GPR161: variants seen among roughly 807,000 people sequenced by gnomAD.
The protein encoded by GPR161 is G-protein coupled receptor RE2.
A neutral mutation model predicts 39.2 loss-of-function variants in GPR161; 25 were observed. The observed-to-expected ratio is 0.64, with a 90% CI of 0.47 to 0.89. The LOEUF (loss-of-function observed/expected upper bound fraction) is 0.89, where lower values mean the gene tolerates loss of function less well. Among genes scored for constraint, GPR161 ranks in the 40% least tolerant of loss-of-function variants. The pLI is 0.00. For synonymous variants in GPR161, 286 were observed against 276.6 expected, an observed-to-expected ratio of 1.03 and a Z score of -0.34; for missense variants, 547 against 677.8, an observed-to-expected ratio of 0.81 and a Z score of 2.14.
At chr1:168,117,033 G>A (rs2102217666) in intron 1 of GPR161, among the ~76,000 whole-genome samples, 1 of 152,246 alleles carries the variant, frequency 6.6e-6, no homozygotes, top group African/African-American at 2.4e-5. Context: ...GCACCTCATT[G>A]CCCTTCACAA....
In GPR161 at chr1:168,087,705, C is replaced by T. The variant is rs1331974654; in HGVS notation, c.1205-1G>A. On this transcript the variant is annotated splice_acceptor_variant, in intron 4 of 5. Transcript: ENST00000682931. LOFTEE classifies it high-confidence loss of function. ...TCCTCAAGCAGCATCATATCTGTCC[C>T]TAAAACAACGGGCAGATTGTGCATA... 1.2e-6 allele frequency: 2 copies of T among 1,608,768 alleles called. No homozygotes were observed. The highest frequency in any genetic ancestry group is 1.7e-6 in the Non-Finnish European group (2 of 1,176,788).
At position 168,087,334 on chromosome 1, in the gene GPR161, GGTGT is replaced by G. The variant is rs142900649; in HGVS notation, c.1324+247_1324+250del. Reference sequence around the variant, plus strand: ...TGGGCTGTGTGTGTAAACACGTGTGGGTGTGTGTGTGTGTGTGTGTGTGTGGAGT... The same window carrying G: ...TGGGCTGTGTGTGTAAACACGTGTGGGTGTGTGTGTGTGTGTGTGTGGAGT... On this transcript the variant is annotated intron_variant, in intron 5 of 5. Transcript: ENST00000682931. Among the ~76,000 whole-genome samples, 156 of 148,764 alleles carry G rather than the reference GGTGT, an allele frequency of 1.0e-3. 1 individual carries two copies. The highest frequency in any genetic ancestry group is 1.4e-3 in the Non-Finnish European group (91 of 66,656).
rs546068660 is a variant in GPR161 at position 168,122,546 on chromosome 1, T to G, written c.-45+14193A>C. 3.3e-5 allele frequency among the ~76,000 whole-genome samples: 5 copies of G among 152,276 alleles called. No homozygotes were observed. In the East Asian group the frequency reaches 7.7e-4, roughly 24 times the overall value. The stretch of plus-strand genomic sequence containing the variant: ...ACAGAGCAAGCCCAAAGTTGTTACC[T>G]CGACCTGCAGCTCCCTCCAGGGCCT... On this transcript the variant is annotated intron_variant, in intron 1 of 5. Transcript: ENST00000682931.
At chr1:168,091,217 G>A (rs564752096) in intron 3 of GPR161, among the ~76,000 whole-genome samples, 1 of 152,274 alleles carries the variant, frequency 6.6e-6, no homozygotes, top group East Asian at 1.9e-4. Context: ...CTCAGGAACG[G>A]GGTTGGGGGG....
chr1:168,106,446 C>A (rs888553270), intron 1 of GPR161, among the ~76,000 whole-genome samples: 6 of 152,136 alleles, frequency 3.9e-5, no homozygotes, highest in Non-Finnish European at 8.8e-5. Context: ...GAAAATTATC[C>A]GGGAATGGTC....
intron 1 of GPR161, among the ~76,000 whole-genome samples, chr1:168,119,275 T>TATATATATGTACAC (rs1697958845): frequency 9.9e-6 from 1 of 101,426 alleles, no homozygotes; most frequent in African/African-American, 4.8e-5. Context: ...TATGTGTATA[T>TATATATATGTACAC]ATATATATAT....
chr1:168,085,580 T>C lies in GPR161; in HGVS notation c.1541A>G (p.Gln514Arg), dbSNP rs1694398949. ...GSRTLVSQRL[Q>R]LQSIEEGDVL... ...ATCTCCTTCTTCGATGCTCTGCAACTGCAGCCTCTGGCTCACAAGAGTTCT... is the reference window on the plus strand; with the variant it reads ...ATCTCCTTCTTCGATGCTCTGCAACCGCAGCCTCTGGCTCACAAGAGTTCT... Residue 514 changes from glutamine (Q) to arginine (R), a missense_variant, in exon 6 of 6, where the codon CAG becomes CGG. Transcript: ENST00000682931. The C allele has an allele frequency of 6.2e-7, 1 of 1,613,990 alleles. No homozygotes were observed. Among genetic ancestry groups the C allele is most frequent in the Non-Finnish European group, 8.5e-7 (1 of 1,180,036 alleles).
At chr1:168,122,323 G>A (rs1306255205) in intron 1 of GPR161, among the ~76,000 whole-genome samples, 1 of 152,114 alleles carries the variant, frequency 6.6e-6, no homozygotes, top group Non-Finnish European at 1.5e-5. Flanking sequence ...ATTCACCTAT[G>A]TCTTACTATT....
intron 3 of GPR161, among the ~76,000 whole-genome samples, chr1:168,096,206 G>A (rs559165405): frequency 3.2e-4 from 49 of 151,702 alleles, no homozygotes; most frequent in African/African-American, 1.1e-3. Flanking sequence ...GAGGGCCAGG[G>A]CTGGGGTTTC....
chr1:168,127,384 C>G (rs1241389401), intron 1 of GPR161, among the ~76,000 whole-genome samples: 7 of 151,888 alleles, frequency 4.6e-5, no homozygotes, highest in African/African-American at 1.7e-4. Context: ...ACTCTGGAGG[C>G]TGAGGCAGGA....
chr1:168,097,554 C>A (rs1160759804), intron 2 of GPR161, among the ~76,000 whole-genome samples: 1 of 152,138 alleles, frequency 6.6e-6, no homozygotes, highest in Non-Finnish European at 1.5e-5. Context: ...TGCATTGGGC[C>A]AGATCAATTC....
chr1:168,130,501 C>T (rs1296310566), intron 1 of GPR161, among the ~76,000 whole-genome samples: 1 of 152,166 alleles, frequency 6.6e-6, no homozygotes, highest in Non-Finnish European at 1.5e-5. Flanking sequence ...CCACTTGAAC[C>T]CTGAACCCAC....
intron 1 of GPR161, among the ~76,000 whole-genome samples, chr1:168,110,537 G>GAAAA (rs1697042763): frequency 2.1e-4 from 11 of 53,420 alleles, no homozygotes; most frequent in African/African-American, 1.3e-3. Context: ...AGAAAGGAAA[G>GAAAA]GAAAGAAAAG....
intron 5 of GPR161, among the ~76,000 whole-genome samples, chr1:168,086,899 T>C (rs1694560245): frequency 6.6e-6 from 1 of 152,144 alleles, no homozygotes; most frequent in South Asian, 2.1e-4. Context: ...ACAGAGGCCA[T>C]ATTTATTTCC....
chr1:168,095,566 G>C (rs1040216606), intron 3 of GPR161, among the ~76,000 whole-genome samples: 1 of 152,198 alleles, frequency 6.6e-6, no homozygotes, highest in South Asian at 2.1e-4. Flanking sequence ...GTGCACACCG[G>C]ATCAGTCATC....
chr1:168,084,897 A>G lies in GPR161; in HGVS notation c.*634T>C, dbSNP rs1390271467. The G allele has an allele frequency of 2.2e-6, 1 of 456,134 alleles. No homozygotes were observed. The highest frequency in any genetic ancestry group is 2.0e-5 in the African/African-American group (1 of 50,070). 28.3% of individuals were successfully genotyped at this position (456,134 alleles called of 1,614,324 possible). A position where few individuals can be genotyped will look rare whatever the true frequency, so the allele number is the denominator to read the frequency against. On this transcript the variant is annotated 3_prime_UTR_variant, in exon 6 of 6. Transcript: ENST00000682931. ...AGTAGGCAGGGTGGGCCAGTCTGCA[A>G]GAGGCCTGTGGCTGTCCCTATTAGC... is the stretch of plus-strand genomic sequence containing the variant.
At position 168,090,591 on chromosome 1, in the gene GPR161, T is replaced by C; in HGVS notation, c.1177A>G (p.Thr393Ala). 1 of 1,608,948 alleles carries C rather than the reference T, an allele frequency of 6.2e-7. No individual in the cohort carries two copies. Among genetic ancestry groups the C allele is most frequent in the Non-Finnish European group, 8.5e-7 (1 of 1,175,436 alleles). Reference protein sequence around the residue: ...PLGHSSSTGDTGFSCSQDSGT... With the variant: ...PLGHSSSTGDAGFSCSQDSGT... ...GAGTCCTGGGAGCAGCTGAAGCCAG[T>C]GTCCCCCGTGCTGCTGCTGTGCCCC... is the stretch of plus-strand genomic sequence containing the variant. The change falls in exon 4 of 6, where the codon ACT becomes GCT. Residue 393 changes from threonine to alanine, a missense_variant. Transcript: ENST00000682931.
In GPR161 at chr1:168,097,213, G is replaced by C. The variant is rs751390072; in HGVS notation, c.394C>G (p.Pro132Ala). The change falls in exon 3 of 6, where the codon CCC becomes GCC. Residue 132 changes from proline to alanine, a missense_variant. By Grantham distance (27) the Pro-to-Ala change is conservative. Coordinates refer to ENST00000682931, the MANE Select transcript of GPR161 (RefSeq NM_001375883.1). Reference sequence around the variant, plus strand: ...GTGATCTTCATGGGGTACACCATGGGGTACAGGACAGCATAGTAGCTAGAA... The same window carrying C: ...GTGATCTTCATGGGGTACACCATGGCGTACAGGACAGCATAGTAGCTAGAA... ...AIDRYYAVLY[P>A]MVYPMKITGN... is the part of the protein sequence containing the mutation. 2.5e-6 allele frequency: 4 copies of C among 1,613,212 alleles called. No homozygotes were observed. The highest frequency in any genetic ancestry group is 3.4e-6 in the Non-Finnish European group (4 of 1,179,556).
Position 168,085,051 on chromosome 1 carries a change from G to A in GPR161, c.*480C>T. On this transcript the variant is annotated 3_prime_UTR_variant, in exon 6 of 6. Transcript: ENST00000682931. ...ACCATGTAGAGGCACCAGGACGGTC[G>A]CGTGTCATTAGGAAGAAGTGCTGTG... 4.4e-6 allele frequency: 2 copies of A among 456,440 alleles called. No homozygotes were observed. The highest frequency in any genetic ancestry group is 3.1e-5 in the South Asian group (2 of 64,566). 28.3% of individuals were successfully genotyped at this position (456,440 alleles called of 1,614,324 possible). A position where few individuals can be genotyped will look rare whatever the true frequency, so the allele number is the denominator to read the frequency against.
Sources: gnomAD v4.1 joint callset for allele counts (sites outside exome capture counted in the v4.1 genomes callset) on GRCh38, gnomAD v4.1.1 for gene constraint, MANE v1.5 for transcripts, NCBI Gene and HGNC (gene_info 2026-07-23, HGNC 2026-07-21) for gene names.